The following STXBP6 variants were observed in gnomAD, a reference collection of about 807,000 sequenced individuals.
The protein encoded by STXBP6 is syntaxin-binding protein 6.
Under a neutral mutation model 26.9 loss-of-function variants are expected in STXBP6, and 21 were observed. That is an observed-to-expected ratio of 0.78 (90% CI 0.55 to 1.12). The LOEUF (loss-of-function observed/expected upper bound fraction) is 1.12, where lower values mean the gene tolerates loss of function less well. STXBP6 is among the 50% of genes most tolerant of loss of function. The pLI is 0.00. For synonymous variants in STXBP6, 97 were observed against 92.6 expected (o/e 1.05, Z -0.27); for missense variants, 232 against 257.9 (o/e 0.90, Z 0.69).
intron 4 of STXBP6, among the ~76,000 whole-genome samples, chr14:24,849,560 T>C (rs2069076615): frequency 6.6e-6 from 1 of 152,146 alleles, no homozygotes; most frequent in South Asian, 2.1e-4. Flanking sequence ...CTGTGGGATC[T>C]TGGGCTAGTT....
chr14:24,912,097 T>A (rs1004383067), intron 2 of STXBP6, among the ~76,000 whole-genome samples: 1 of 152,204 alleles, frequency 6.6e-6, no homozygotes, highest in African/African-American at 2.4e-5. Flanking sequence ...CTGTTTGGCA[T>A]GAGAGTCCCA....
At chr14:24,993,171 C>T (rs1489250634) in intron 1 of STXBP6, among the ~76,000 whole-genome samples, 1 of 152,102 alleles carries the variant, frequency 6.6e-6, no homozygotes, top group Non-Finnish European at 1.5e-5. Context: ...TACCTTCAGC[C>T]CACATGTTCA....
chr14:24,971,726 T>C (rs1664482012), intron 2 of STXBP6, among the ~76,000 whole-genome samples: 1 of 152,228 alleles, frequency 6.6e-6, no homozygotes, highest in Non-Finnish European at 1.5e-5. Context: ...TTCTCAAAAC[T>C]CTTGGTTCTC....
chr14:24,923,586 A>T (rs928738099), intron 2 of STXBP6, among the ~76,000 whole-genome samples: 1 of 152,186 alleles, frequency 6.6e-6, no homozygotes, highest in East Asian at 1.9e-4. Flanking sequence ...CCATTGCTCT[A>T]CATCTTCACC....
intron 2 of STXBP6, among the ~76,000 whole-genome samples, chr14:24,877,070 T>C (rs1433413540): frequency 6.6e-6 from 1 of 152,218 alleles, no homozygotes; most frequent in Non-Finnish European, 1.5e-5. Flanking sequence ...TTGCTTAAGC[T>C]TATAGGGAAT....
chr14:24,948,287 T>A (rs1216226395), intron 2 of STXBP6, among the ~76,000 whole-genome samples: 1 of 151,834 alleles, frequency 6.6e-6, no homozygotes, highest in East Asian at 1.9e-4. Context: ...ACCCAAAGAA[T>A]CTCCAAGGAA....
At chr14:24,985,116 T>G (rs2074299036) in intron 1 of STXBP6, among the ~76,000 whole-genome samples, 1 of 152,222 alleles carries the variant, frequency 6.6e-6, no homozygotes, top group Non-Finnish European at 1.5e-5. Context: ...TTTCTGGATA[T>G]CTGTTCATCT....
chr14:24,912,620 G>T (rs535907849), intron 2 of STXBP6, among the ~76,000 whole-genome samples: 53 of 152,198 alleles, frequency 3.5e-4, no homozygotes, highest in African/African-American at 1.3e-3. Flanking sequence ...TTTATTAAAA[G>T]AATAAGGTGA....
At chr14:24,901,354 A>C (rs200822566) in intron 2 of STXBP6, among the ~76,000 whole-genome samples, 15 of 149,110 alleles carry the variant, frequency 1.0e-4, no homozygotes, top group African/African-American at 1.5e-4. Context: ...GCTCCCCCCC[A>C]AAAAAAGACT....
chr14:25,043,415 C>T (rs2075673905), intron 1 of STXBP6, among the ~76,000 whole-genome samples: 1 of 152,110 alleles, frequency 6.6e-6, no homozygotes, highest in Non-Finnish European at 1.5e-5. Context: ...AAAAACTCTC[C>T]TTTGGATCCA....
At chr14:24,903,467 C>T (rs757647742) in intron 2 of STXBP6, among the ~76,000 whole-genome samples, 5 of 152,258 alleles carry the variant, frequency 3.3e-5, no homozygotes, top group Non-Finnish European at 7.4e-5. Flanking sequence ...GTGTAAGCCA[C>T]TTAAGAACAG....
intron 1 of STXBP6, among the ~76,000 whole-genome samples, chr14:24,983,350 A>C (rs773090579): frequency 2.6e-5 from 4 of 152,226 alleles, no homozygotes; most frequent in Non-Finnish European, 2.9e-5. Context: ...TGAGAACATC[A>C]CTTACAGCAG....
chr14:25,039,292 A>C (rs915652999), intron 1 of STXBP6, among the ~76,000 whole-genome samples: 1 of 152,242 alleles, frequency 6.6e-6, no homozygotes, highest in African/African-American at 2.4e-5. Flanking sequence ...GGAAGTTATT[A>C]TAAGTCTTGT....
At chr14:24,993,257 G>C (rs138514337) in intron 1 of STXBP6, among the ~76,000 whole-genome samples, 3 of 152,064 alleles carry the variant, frequency 2.0e-5, no homozygotes, top group African/African-American at 7.2e-5. Context: ...CATCTTCCTC[G>C]AAACGGTTTC....
rs565733289 is a variant in STXBP6, at chr14:24,884,043, A to C, written c.155-26886T>G. Among the ~76,000 whole-genome samples, 137 of 152,276 alleles carry C rather than the reference A, an allele frequency of 9.0e-4. 2 individuals carry two copies. The East Asian group carries it at 0.025, about 28-fold the overall frequency. On this transcript the variant is annotated intron_variant, in intron 2 of 5. Coordinates refer to ENST00000323944, the MANE Select transcript of STXBP6 (RefSeq NM_001394410.1). ...CTGTCTTCTCTTTAATAAATTTCAT[A>C]ATCAATTTTTAGCATGTAACTGTAT...
intron 3 of STXBP6, among the ~76,000 whole-genome samples, chr14:24,856,363 T>C (rs954632826): frequency 1.3e-5 from 2 of 152,138 alleles, no homozygotes; most frequent in African/African-American, 4.8e-5. Flanking sequence ...AATGTCAGAA[T>C]TGAGACCATG....
chr14:24,857,622 C>T (rs1328618028), intron 2 of STXBP6, among the ~76,000 whole-genome samples: 2 of 151,982 alleles, frequency 1.3e-5, no homozygotes, highest in South Asian at 2.1e-4. Context: ...TTTTATAGTC[C>T]AGTGTAAACA....
intron 2 of STXBP6, among the ~76,000 whole-genome samples, chr14:24,962,805 C>T (rs1318924837): frequency 6.6e-6 from 1 of 151,716 alleles, no homozygotes; most frequent in Non-Finnish European, 1.5e-5. Context: ...CAGTTATCCA[C>T]GTGTTCCTTA....
intron 4 of STXBP6, 45 bp from the exon 5 acceptor site, chr14:24,819,239 C>T: frequency 1.2e-6 from 2 of 1,611,426 alleles, no homozygotes; most frequent in Non-Finnish European, 1.7e-6. Context: ...CTCAGCTGAC[C>T]CACAGTGACC....
Sources: allele counts gnomAD v4.1 joint callset (sites outside exome capture counted in the v4.1 genomes callset), GRCh38; gene constraint gnomAD v4.1.1; transcripts MANE v1.5; gene names NCBI Gene and HGNC (gene_info 2026-07-23, HGNC 2026-07-21).